Variants in KDM4B observed in about 807,000 individuals in gnomAD.
The protein encoded by KDM4B is lysine-specific demethylase 4B.
A neutral mutation model predicts 125.2 loss-of-function variants in KDM4B; 32 were observed. That is an observed-to-expected ratio of 0.26 (90% CI 0.19 to 0.34). The LOEUF is 0.34. Among genes scored for constraint, KDM4B ranks in the 10% least tolerant of loss-of-function variants. KDM4B has a pLI of 1.00. For missense variants in KDM4B, 1,190 were observed against 1,577.7 expected (o/e 0.75, Z 4.16); for synonymous variants, 721 against 677.9 (o/e 1.06, Z -0.99).
intron 11 of KDM4B, among the ~76,000 whole-genome samples, chr19:5,124,203 G>A (rs1475464371): frequency 3.9e-5 from 5 of 129,402 alleles, no homozygotes; most frequent in African/African-American, 5.8e-5. Flanking sequence ...AAGCCCACCC[G>A]TTAACTGCCC....
intron 1 of KDM4B, among the ~76,000 whole-genome samples, chr19:5,004,700 C>T (rs537795915): frequency 1.3e-4 from 20 of 152,194 alleles, no homozygotes; most frequent in Admixed American, 3.9e-4. Flanking sequence ...GTGCGGTGAG[C>T]GTGAGAAGTC....
At chr19:4,984,034 C>G (rs994097580) in intron 1 of KDM4B, among the ~76,000 whole-genome samples, 1 of 152,210 alleles carries the variant, frequency 6.6e-6, no homozygotes, top group Non-Finnish European at 1.5e-5. Context: ...TAAGGGACAC[C>G]TGGCCACAGC....
chr19:5,057,340 A>C (rs1266974491), intron 6 of KDM4B, among the ~76,000 whole-genome samples: 3 of 152,058 alleles, frequency 2.0e-5, no homozygotes, highest in Non-Finnish European at 4.4e-5. Context: ...TGTGTGTGTA[A>C]GATTCATCCG....
At chr19:5,136,723 C>T (rs2039654917) in intron 15 of KDM4B, among the ~76,000 whole-genome samples, 1 of 152,176 alleles carries the variant, frequency 6.6e-6, no homozygotes. Flanking sequence ...TCAGCACTGG[C>T]AGAGAGCCCC....
intron 9 of KDM4B, among the ~76,000 whole-genome samples, chr19:5,107,954 A>G (rs2039067185): frequency 6.6e-6 from 1 of 152,184 alleles, no homozygotes; most frequent in Non-Finnish European, 1.5e-5. Context: ...ACTTGCAGGA[A>G]TGCTCCCAGC....
At chr19:5,071,248 G>A (rs559351677) in intron 7 of KDM4B, among the ~76,000 whole-genome samples, 189 bp downstream of exon 7, 9 of 152,324 alleles carry the variant, frequency 5.9e-5, no homozygotes, top group African/African-American at 1.9e-4. Context: ...TCAGATTCAC[G>A]CCCTTCTGCC....
At chr19:5,079,778 G>C (rs988296161) in intron 8 of KDM4B, among the ~76,000 whole-genome samples, 1 of 152,184 alleles carries the variant, frequency 6.6e-6, no homozygotes, top group Non-Finnish European at 1.5e-5. Flanking sequence ...TGTTGTCCAG[G>C]CTGGTCTCAA....
At chr19:4,984,513 C>G (rs919197948) in intron 1 of KDM4B, among the ~76,000 whole-genome samples, 3 of 152,112 alleles carry the variant, frequency 2.0e-5, no homozygotes, top group African/African-American at 7.2e-5. Context: ...CTGGGGGAAG[C>G]TGGACCCGAG....
At chr19:5,018,987 G>C (rs263059) in intron 2 of KDM4B, among the ~76,000 whole-genome samples, 2 of 152,136 alleles carry the variant, frequency 1.3e-5, no homozygotes, top group Non-Finnish European at 2.9e-5. Flanking sequence ...CTCCTCTCTG[G>C]CTATTGGGAG....
At chr19:4,976,197 T>G (rs2034438789) in intron 1 of KDM4B, among the ~76,000 whole-genome samples, 1 of 143,918 alleles carries the variant, frequency 6.9e-6, no homozygotes, top group Admixed American at 7.2e-5. Flanking sequence ...TGCAGTGAGC[T>G]GAGATCACGT....
chr19:5,084,184 T>G (rs1056844818), intron 9 of KDM4B, among the ~76,000 whole-genome samples: 9 of 151,536 alleles, frequency 5.9e-5, no homozygotes, highest in African/African-American at 2.2e-4. Flanking sequence ...GAGGTGGAGG[T>G]TGCAGTGAGC....
chr19:5,051,726 C>CA (rs1456862352), intron 6 of KDM4B, among the ~76,000 whole-genome samples: 11 of 152,382 alleles, frequency 7.2e-5, no homozygotes, highest in Middle Eastern at 3.4e-3. Flanking sequence ...GGTCATCCTG[C>CA]ACCCAGGTGA....
chr19:5,032,759 C>G, intron 2 of KDM4B, 107 bp from the exon 3 acceptor site: 1 of 1,085,264 alleles, frequency 9.2e-7, no homozygotes, highest in Middle Eastern at 3.2e-4. Flanking sequence ...CCTTTGTCCT[C>G]CTGGTGGCCA....
chr19:5,104,594 GCT>G (rs764284560), intron 9 of KDM4B, among the ~76,000 whole-genome samples: 4 of 151,996 alleles, frequency 2.6e-5, no homozygotes, highest in African/African-American at 4.8e-5. Context: ...GCACAGGGAT[GCT>G]CTGTCTTGGA....
At chr19:5,051,069 CG>C (rs1266230881) in intron 6 of KDM4B, among the ~76,000 whole-genome samples, 1 of 151,996 alleles carries the variant, frequency 6.6e-6, no homozygotes, top group Non-Finnish European at 1.5e-5. Context: ...CTGAGCCGCC[CG>C]GGCCAGGCAC....
At chr19:5,053,774 A>C (rs2037306037) in intron 6 of KDM4B, among the ~76,000 whole-genome samples, 1 of 152,260 alleles carries the variant, frequency 6.6e-6, no homozygotes, top group Admixed American at 6.5e-5. Context: ...TGCCCAGGCC[A>C]GCTGCTACGC....
chr19:5,113,809 G>C, intron 10 of KDM4B: 1 of 839,690 alleles, frequency 1.2e-6, no homozygotes, highest in African/African-American at 1.8e-5. Context: ...CAGGGTGGGC[G>C]CCATGCCCTC....
chr19:5,091,011 A>G (rs1447743917), intron 9 of KDM4B, among the ~76,000 whole-genome samples: 4 of 152,144 alleles, frequency 2.6e-5, no homozygotes, highest in African/African-American at 9.7e-5. Context: ...CAGGCTTTGT[A>G]GTGGGATTAC....
intron 22 of KDM4B, 102 bp from the exon 23 acceptor site, chr19:5,151,233 G>A: frequency 9.6e-7 from 1 of 1,045,770 alleles, no homozygotes; most frequent in Non-Finnish European, 1.3e-6. Flanking sequence ...CAGCAATCAG[G>A]GCTCTGTGTC....
Sources: allele counts gnomAD v4.1 joint callset (sites outside exome capture counted in the v4.1 genomes callset), GRCh38; gene constraint gnomAD v4.1.1; transcripts MANE v1.5; gene names NCBI Gene and HGNC (gene_info 2026-07-23, HGNC 2026-07-21).